The following GNAQ variants were observed in gnomAD, a reference collection of about 807,000 sequenced individuals.
GNAQ encodes the protein guanine nucleotide-binding protein G(q) subunit alpha.
GNAQ carries 8 observed loss-of-function variants against 43.9 expected under a neutral mutation model. The ratio of observed to expected loss-of-function variants is 0.18; its 90% CI spans 0.11 to 0.33. The LOEUF is 0.33. Ranked by LOEUF, GNAQ falls within the 10% of genes least tolerant of loss-of-function variation. GNAQ has a pLI of 1.00. For missense variants in GNAQ, 158 were observed against 450.8 expected (o/e 0.35, Z 5.88); for synonymous variants, 155 against 170.7 (o/e 0.91, Z 0.71).
chr9:77,832,412 G>A (rs1441203750), intron 2 of GNAQ, among the ~76,000 whole-genome samples: 4 of 152,186 alleles, frequency 2.6e-5, no homozygotes, highest in African/African-American at 9.6e-5. Flanking sequence ...ACACTACAGG[G>A]TGGGAACAAA....
chr9:77,761,233 A>G (rs1209155503), intron 5 of GNAQ, among the ~76,000 whole-genome samples: 3 of 132,030 alleles, frequency 2.3e-5, no homozygotes, highest in Admixed American at 7.4e-5. Flanking sequence ...GGAAGTGAGG[A>G]GCCCCTCTGC....
At chr9:77,958,985 G>C (rs929270548) in intron 1 of GNAQ, among the ~76,000 whole-genome samples, 1 of 152,168 alleles carries the variant, frequency 6.6e-6, no homozygotes. Context: ...TTGAAAAGGA[G>C]ATAAAGAAAG....
chr9:77,763,596 G>A (rs1029121720), intron 5 of GNAQ, among the ~76,000 whole-genome samples: 1 of 152,190 alleles, frequency 6.6e-6, no homozygotes, highest in Admixed American at 6.5e-5. Flanking sequence ...CTATGAATTT[G>A]GTGAGGGATT....
At chr9:77,764,977 A>C (rs565964893) in intron 5 of GNAQ, among the ~76,000 whole-genome samples, 11 of 152,332 alleles carry the variant, frequency 7.2e-5, no homozygotes, top group African/African-American at 2.4e-4. Context: ...GTTTTTTCAA[A>C]TTAACATACA....
chr9:77,785,342 C>T (rs1826459064), intron 5 of GNAQ, among the ~76,000 whole-genome samples: 1 of 152,174 alleles, frequency 6.6e-6, no homozygotes, highest in South Asian at 2.1e-4. Context: ...CCCCTAGAGC[C>T]TTCGGAGGAA....
At chr9:77,881,113 C>A (rs974933722) in intron 2 of GNAQ, among the ~76,000 whole-genome samples, 1 of 152,160 alleles carries the variant, frequency 6.6e-6, no homozygotes, top group African/African-American at 2.4e-5. Flanking sequence ...ATGTCCCAAG[C>A]CCCTGACACT....
intron 2 of GNAQ, among the ~76,000 whole-genome samples, chr9:77,847,692 T>C (rs1827609436): frequency 6.6e-6 from 1 of 152,226 alleles, no homozygotes; most frequent in South Asian, 2.1e-4. Flanking sequence ...CAAATATCTA[T>C]GAACTAGTCC....
At chr9:77,849,612 C>T (rs938167980) in intron 2 of GNAQ, among the ~76,000 whole-genome samples, 1 of 152,140 alleles carries the variant, frequency 6.6e-6, no homozygotes, top group African/African-American at 2.4e-5. Context: ...ATCTGTTTTC[C>T]ACCTCCACCA....
chr9:77,920,125 A>G (rs1316002747), intron 2 of GNAQ, among the ~76,000 whole-genome samples: 3 of 152,012 alleles, frequency 2.0e-5, no homozygotes, highest in African/African-American at 7.3e-5. Context: ...ATGACAGAGC[A>G]AGACTCTGTC....
chr9:77,992,322 G>A (rs987295926), intron 1 of GNAQ, among the ~76,000 whole-genome samples: 3 of 152,110 alleles, frequency 2.0e-5, no homozygotes, highest in African/African-American at 4.8e-5. Flanking sequence ...AAAAGTTTTC[G>A]ATTCAACTTT....
intron 2 of GNAQ, among the ~76,000 whole-genome samples, chr9:77,872,964 AGAG>A (rs1306738159): frequency 6.6e-6 from 1 of 152,250 alleles, no homozygotes; most frequent in Non-Finnish European, 1.5e-5. Context: ...GAGGTAAATA[AGAG>A]GATATTCTAG....
intron 2 of GNAQ, among the ~76,000 whole-genome samples, chr9:77,872,810 A>G (rs1828061687): frequency 6.6e-6 from 1 of 152,202 alleles, no homozygotes; most frequent in Non-Finnish European, 1.5e-5. Context: ...AGACACATGA[A>G]AGGGGCTTAA....
chr9:77,897,201 G>A (rs145364540), intron 2 of GNAQ, among the ~76,000 whole-genome samples: 85 of 152,320 alleles, frequency 5.6e-4, no homozygotes, highest in Middle Eastern at 3.4e-3. Flanking sequence ...CTATGATGCC[G>A]GGGAAAATCA....
In GNAQ at chr9:77,718,433, G is replaced by C. The variant is rs1825257481; in HGVS notation, c.*2890C>G. On this transcript the variant is annotated 3_prime_UTR_variant, in exon 7 of 7. Transcript: ENST00000286548. ...TTCTATGCATCACTGCTGCTAGGGT[G>C]ATCAATTTTTTCCTTTCTCAAGAGA... 1 of 232,430 alleles carries C rather than the reference G, an allele frequency of 4.3e-6. No individual in the cohort carries two copies. The highest frequency in any genetic ancestry group is 8.5e-6 in the Non-Finnish European group (1 of 117,604). The allele number at this position is 232,430 out of a possible 1,614,324, so 14.4% of individuals were successfully genotyped here.
intron 2 of GNAQ, among the ~76,000 whole-genome samples, chr9:77,916,025 T>A (rs1447465568): frequency 1.3e-5 from 2 of 152,160 alleles, no homozygotes; most frequent in Admixed American, 6.6e-5. Flanking sequence ...CGGCACTTTT[T>A]CCCAGAAATC....
At chr9:77,831,122 A>G (rs7469109) in intron 2 of GNAQ, among the ~76,000 whole-genome samples, 8,051 of 152,250 alleles carry the variant, frequency 0.053, 625 homozygotes, top group African/African-American at 0.18. Context: ...TACATATCTT[A>G]TGTGGTTTTC....
intron 1 of GNAQ, among the ~76,000 whole-genome samples, chr9:78,006,099 T>C (rs1466102019): frequency 6.6e-6 from 1 of 152,168 alleles, no homozygotes; most frequent in Non-Finnish European, 1.5e-5. Flanking sequence ...GTTCTAATAA[T>C]GCTATTGATT....
intron 1 of GNAQ, among the ~76,000 whole-genome samples, chr9:77,947,624 CACA>C (rs1391738664): frequency 6.6e-6 from 1 of 152,176 alleles, no homozygotes; most frequent in Non-Finnish European, 1.5e-5. Flanking sequence ...TTATTTCCCC[CACA>C]ACAATGAAAT....
In GNAQ at chr9:77,763,143, A is replaced by AACAAAC. The variant is rs200353925; in HGVS notation, c.735+31319_735+31320insGTTTGT. On this transcript the variant is annotated intron_variant, in intron 5 of 6. Coordinates refer to ENST00000286548, the MANE Select transcript of GNAQ (RefSeq NM_002072.5). ...AAAAAAATAAACAAACAAACAAACAAAAAAAAAAAAAACAAAGGAAAAGGT... is the reference window on the plus strand; with the variant it reads ...AAAAAAATAAACAAACAAACAAACAAACAAACAAAAAAAAAAAACAAAGGAAAAGGT... Among the ~76,000 whole-genome samples the AACAAAC allele has an allele frequency of 5.0e-3, 107 of 21,470 alleles. 2 individuals carry two copies. The highest frequency in any genetic ancestry group is 0.021 in the Admixed American group (42 of 2,036). 14.1% of individuals were successfully genotyped at this position (21,470 alleles called of 152,430 possible).
Sources: gnomAD v4.1 joint callset for allele counts (sites outside exome capture counted in the v4.1 genomes callset) on GRCh38, gnomAD v4.1.1 for gene constraint, MANE v1.5 for transcripts, NCBI Gene and HGNC (gene_info 2026-07-23, HGNC 2026-07-21) for gene names.